The following ADGRL2 variants were observed in gnomAD, a reference collection of about 807,000 sequenced individuals.
ADGRL2 encodes the protein adhesion G protein-coupled receptor L2.
Under a neutral mutation model 157.4 loss-of-function variants are expected in ADGRL2, and 44 were observed. The observed-to-expected ratio is 0.28, with a 90% CI of 0.22 to 0.36. The LOEUF (loss-of-function observed/expected upper bound fraction) is 0.36, where lower values mean the gene tolerates loss of function less well. Among genes scored for constraint, ADGRL2 ranks in the 10% least tolerant of loss-of-function variants. The pLI, the probability that ADGRL2 is intolerant of heterozygous loss-of-function variation, is 1.00. For synonymous variants in ADGRL2, 585 were observed against 624.7 expected (o/e 0.94, Z 0.95); for missense variants, 1,510 against 1,768.9 (o/e 0.85, Z 2.63).
At chr1:81,940,775 A>T (rs890463220) in intron 4 of ADGRL2, among the ~76,000 whole-genome samples, 5 of 151,624 alleles carry the variant, frequency 3.3e-5, no homozygotes. Context: ...AACAGACATC[A>T]GTCTTGTCAT....
At chr1:81,584,191 TC>T (rs1422405279) in intron 3 of ADGRL2, among the ~76,000 whole-genome samples, 1 of 152,094 alleles carries the variant, frequency 6.6e-6, no homozygotes, top group Non-Finnish European at 1.5e-5. Flanking sequence ...CCCCTAGACC[TC>T]CCTTTTGCTG....
intron 2 of ADGRL2, among the ~76,000 whole-genome samples, chr1:81,576,185 C>A (rs182960743): frequency 4.1e-4 from 63 of 152,212 alleles, no homozygotes; most frequent in Non-Finnish European, 7.2e-4. Context: ...AGTAAACTCA[C>A]ACCTCAAACA....
chr1:81,501,131 T>C (rs2078836858), intron 2 of ADGRL2, among the ~76,000 whole-genome samples: 2 of 152,226 alleles, frequency 1.3e-5, no homozygotes, highest in Non-Finnish European at 2.9e-5. Flanking sequence ...AAATTACTGC[T>C]GCCACAATGT....
upstream of ADGRL2, among the ~76,000 whole-genome samples, chr1:81,795,687 G>A (rs1448254605): frequency 1.3e-5 from 2 of 152,110 alleles, no homozygotes; most frequent in Non-Finnish European, 2.9e-5. Context: ...AGTCATATTC[G>A]AGAGGCACTA....
chr1:81,447,874 T>A (rs1314936003), intron 2 of ADGRL2, among the ~76,000 whole-genome samples: 1 of 152,044 alleles, frequency 6.6e-6, no homozygotes, highest in African/African-American at 2.4e-5. Flanking sequence ...TGGGGGTAGA[T>A]CCTCCATGAA....
intron 3 of ADGRL2, among the ~76,000 whole-genome samples, chr1:81,662,887 C>G (rs545057098): frequency 7.9e-5 from 12 of 152,126 alleles, no homozygotes; most frequent in African/African-American, 2.4e-4. Flanking sequence ...TTTTTTGTGC[C>G]CATTAACCAT....
At chr1:81,783,460 T>G (rs557104726) in intron 2 of ADGRL2, among the ~76,000 whole-genome samples, 1 of 152,206 alleles carries the variant, frequency 6.6e-6, no homozygotes, top group East Asian at 1.9e-4. Flanking sequence ...TTCAATTTTT[T>G]TATTTTTTCT....
At chr1:81,773,681 A>G (rs1242079524) in intron 2 of ADGRL2, among the ~76,000 whole-genome samples, 1 of 152,204 alleles carries the variant, frequency 6.6e-6, no homozygotes, top group African/African-American at 2.4e-5. Context: ...AATGAAAGGG[A>G]CTGACATTTA....
At chr1:81,689,329 T>C (rs1278272894) in intron 3 of ADGRL2, among the ~76,000 whole-genome samples, 2 of 152,178 alleles carry the variant, frequency 1.3e-5, no homozygotes, top group Non-Finnish European at 2.9e-5. Flanking sequence ...TTCTAAAGAT[T>C]TGTTCCTTTA....
At chr1:81,981,659 A>G (rs1480638933) in intron 18 of ADGRL2, 149 bp from the exon 19 acceptor site, 1 of 672,222 alleles carries the variant, frequency 1.5e-6, no homozygotes, top group Non-Finnish European at 2.6e-6. Flanking sequence ...GTTCTTTCTT[A>G]ATCAGAGAAA....
At chr1:81,612,726 C>T (rs1280585955) in intron 3 of ADGRL2, among the ~76,000 whole-genome samples, 1 of 151,944 alleles carries the variant, frequency 6.6e-6, no homozygotes, top group African/African-American at 2.4e-5. Flanking sequence ...GACAAACAAA[C>T]AAACCCCTGA....
intron 1 of ADGRL2, among the ~76,000 whole-genome samples, chr1:81,702,467 G>A (rs1000373966): frequency 3.3e-5 from 5 of 152,118 alleles, no homozygotes; most frequent in African/African-American, 7.2e-5. Context: ...TATGCAAGAA[G>A]GAAGAAGAAA....
chr1:81,979,924 C>T lies in ADGRL2; in HGVS notation c.3077C>T (p.Thr1026Ile), dbSNP rs1661192202. 1 of 1,607,306 alleles carries T rather than the reference C, an allele frequency of 6.2e-7. No individual in the cohort carries two copies. The highest frequency in any genetic ancestry group is 1.1e-5 in the South Asian group (1 of 90,784). The change falls in exon 18 of 24, where the codon ACT becomes ATT. Residue 1026 changes from threonine to isoleucine, a missense_variant. This residue lies in a region of ADGRL2 where 497 missense variants were observed against 627.2 expected (regional missense o/e 0.79). Coordinates refer to ENST00000686636, the MANE Select transcript of ADGRL2 (RefSeq NM_001366006.2). ...TLCKMVKHSN[T>I]LKPDSSRLEN... Reference sequence around the variant, plus strand: ...TGCAAAATGGTGAAGCATTCAAACACTTTGAAACCAGATTCTAGCAGGTTG... The same window carrying T: ...TGCAAAATGGTGAAGCATTCAAACATTTTGAAACCAGATTCTAGCAGGTTG...
rs374708468 is a variant in ADGRL2 at position 81,435,607 on chromosome 1, A to G, written c.-301-9429A>G. On this transcript the variant is annotated intron_variant, in intron 1 of 24. Transcript: ENST00000370721. ...TCCATTTCTTCAAAACATCGGGACT[A>G]TATATATTTAATTCAAGATGGTTAA... Among the ~76,000 whole-genome samples, 105 of 152,358 alleles carry G rather than the reference A, an allele frequency of 6.9e-4. 3 individuals are homozygous for G. In the South Asian group the frequency reaches 0.021, roughly 30 times the overall value.
rs930497281 is a variant in ADGRL2, at chr1:81,751,807, A to C, written c.-142-10004A>C. 3.3e-5 allele frequency among the ~76,000 whole-genome samples: 5 copies of C among 152,228 alleles called. No homozygotes were observed. The East Asian group carries it at 9.6e-4, about 29-fold the overall frequency. On this transcript the variant is annotated intron_variant, in intron 1 of 20. Transcript: ENST00000359929. ...AATAAGTATCATATCATGTTGACACATTACTCTCAAATAATTCTGAAAAAA... is the reference window on the plus strand; with the variant it reads ...AATAAGTATCATATCATGTTGACACCTTACTCTCAAATAATTCTGAAAAAA...
intron 1 of ADGRL2, chr1:81,427,312 T>C (rs2077236132): frequency 2.8e-6 from 2 of 724,568 alleles, no homozygotes; most frequent in South Asian, 1.5e-5. Context: ...GTGGCAACTA[T>C]GACAGTCGTC....
intron 3 of ADGRL2, among the ~76,000 whole-genome samples, chr1:81,613,235 T>C (rs1267321760): frequency 6.6e-6 from 1 of 152,182 alleles, no homozygotes; most frequent in Non-Finnish European, 1.5e-5. Flanking sequence ...AGATAATGCA[T>C]GTAAAACACA....
At chr1:81,617,288 C>T (rs778881255) in intron 3 of ADGRL2, among the ~76,000 whole-genome samples, 15 of 145,504 alleles carry the variant, frequency 1.0e-4, no homozygotes, top group Non-Finnish European at 1.5e-4. Flanking sequence ...GAATCTAATG[C>T]CTGATGATCT....
At chr1:81,427,231 T>C in intron 1 of ADGRL2, 1 of 767,104 alleles carries the variant, frequency 1.3e-6, no homozygotes, top group Non-Finnish European at 2.4e-6. Context: ...GAGGCTATGC[T>C]GGTGGAGGTG....
Sources: allele counts gnomAD v4.1 joint callset (sites outside exome capture counted in the v4.1 genomes callset), GRCh38; gene constraint gnomAD v4.1.1; regional missense constraint gnomAD v4.1.1; transcripts MANE v1.5; gene names NCBI Gene and HGNC (gene_info 2026-07-23, HGNC 2026-07-21).